DOCK8: variants seen among roughly 807,000 people sequenced by gnomAD.
DOCK8 encodes the protein dedicator of cytokinesis protein 8.
Under a neutral mutation model 245.6 loss-of-function variants are expected in DOCK8, and 141 were observed. The observed-to-expected ratio is 0.57, with a 90% CI of 0.50 to 0.66. The LOEUF (loss-of-function observed/expected upper bound fraction) is 0.66. Among genes scored for constraint, DOCK8 ranks in the 30% least tolerant of loss-of-function variants. The pLI, the probability that DOCK8 is intolerant of heterozygous loss-of-function variation, is 0.00. For synonymous variants in DOCK8, 1,168 were observed against 970.2 expected (o/e 1.20, Z -3.79); for missense variants, 2,965 against 2,603.4 (o/e 1.14, Z -3.02).
At position 399,318 on chromosome 9, in the gene DOCK8, G is replaced by A. The variant is rs891294226; in HGVS notation, c.3234+59G>A. 2.8e-5 allele frequency: 35 copies of A among 1,253,702 alleles called. No homozygotes were observed. The African/African-American group carries it at 4.8e-4, about 17-fold the overall frequency. 77.7% of individuals were successfully genotyped at this position (1,253,702 alleles called of 1,614,324 possible). Reference sequence around the variant, plus strand: ...GCCACTTGGTTCCTTCTCATATAATGTGATGTTCGTTGCCATGGCACGCTG... The same window carrying A: ...GCCACTTGGTTCCTTCTCATATAATATGATGTTCGTTGCCATGGCACGCTG... On this transcript the variant is annotated intron_variant, in intron 26 of 47. Coordinates refer to ENST00000432829, the MANE Select transcript of DOCK8 (RefSeq NM_203447.4).
intron 7 of DOCK8, among the ~76,000 whole-genome samples, chr9:325,328 T>A (rs1393417860): frequency 6.6e-6 from 1 of 152,130 alleles, no homozygotes; most frequent in African/African-American, 2.4e-5. Flanking sequence ...AGACAGAAAG[T>A]CTACCCTCTG....
chr9:451,509 G>A (rs572531557), intron 45 of DOCK8, among the ~76,000 whole-genome samples: 11 of 151,834 alleles, frequency 7.2e-5, no homozygotes, highest in African/African-American at 2.7e-4. Context: ...TGTAGTCTCA[G>A]CTACTTGGGA....
intron 14 of DOCK8, among the ~76,000 whole-genome samples, chr9:342,294 TTTC>T (rs2051639462): frequency 9.3e-6 from 1 of 107,120 alleles, no homozygotes; most frequent in South Asian, 3.2e-4. Flanking sequence ...GTTTTTCTTT[TTTC>T]TTTTTTTTTT....
intron 1 of DOCK8, among the ~76,000 whole-genome samples, chr9:221,708 G>C (rs1316826013): frequency 2.0e-5 from 3 of 151,468 alleles, no homozygotes; most frequent in Non-Finnish European, 4.4e-5. Context: ...TGTAGTCCCA[G>C]CTACTCAGGA....
intron 35 of DOCK8, among the ~76,000 whole-genome samples, chr9:429,128 A>G (rs2056612719): frequency 6.6e-6 from 1 of 152,038 alleles, no homozygotes; most frequent in African/African-American, 2.4e-5. Flanking sequence ...CACCGCACCC[A>G]GCTAATTTTT....
At chr9:214,444 C>A (rs75872323), upstream of DOCK8, 998 of 1,553,132 alleles carry the variant, frequency 6.4e-4, 4 homozygotes, top group South Asian at 5.7e-3. Flanking sequence ...ATTCCACTAA[C>A]TTTTTTGTCT....
intron 4 of DOCK8, among the ~76,000 whole-genome samples, chr9:293,318 G>A (rs67484783): frequency 3.3e-5 from 5 of 152,292 alleles, no homozygotes; most frequent in Non-Finnish European, 7.4e-5. Flanking sequence ...TGCACCTGTC[G>A]TATTTTATCT....
chr9:277,932 A>C (rs1161365268), intron 2 of DOCK8, among the ~76,000 whole-genome samples: 1 of 152,184 alleles, frequency 6.6e-6, no homozygotes, highest in Non-Finnish European at 1.5e-5. Flanking sequence ...ACAGCTCATG[A>C]TGACTTAAAT....
At chr9:343,909 C>G (rs1434385749) in intron 14 of DOCK8, among the ~76,000 whole-genome samples, 1 of 152,252 alleles carries the variant, frequency 6.6e-6, no homozygotes, top group Non-Finnish European at 1.5e-5. Context: ...TTACAATGTT[C>G]TCTACTCGTT....
chr9:396,296 A>T (rs1441606132), intron 24 of DOCK8, among the ~76,000 whole-genome samples: 1 of 152,198 alleles, frequency 6.6e-6, no homozygotes, highest in African/African-American at 2.4e-5. Context: ...CTCCCTCGAG[A>T]AACACTGAAA....
chr9:425,323 G>A (rs943983694), intron 33 of DOCK8, among the ~76,000 whole-genome samples: 15 of 152,208 alleles, frequency 9.9e-5, no homozygotes, highest in African/African-American at 3.4e-4. Context: ...ACGAGGTCAG[G>A]AGATCGAGAC....
chr9:458,638 C>T (rs373020503), intron 46 of DOCK8, among the ~76,000 whole-genome samples: 7 of 152,038 alleles, frequency 4.6e-5, no homozygotes, highest in African/African-American at 7.2e-5. Context: ...GGCAAAACCT[C>T]GTCTTTACAA....
intron 37 of DOCK8, 126 bp downstream of exon 37, chr9:432,450 C>A: frequency 2.1e-6 from 2 of 936,774 alleles, no homozygotes; most frequent in Non-Finnish European, 3.2e-6. Context: ...ATTTATTGTC[C>A]AATATGCATG....
At chr9:350,068 T>C (rs1403333564) in intron 14 of DOCK8, among the ~76,000 whole-genome samples, 3 of 152,198 alleles carry the variant, frequency 2.0e-5, no homozygotes, top group African/African-American at 7.2e-5. Context: ...GCTCCTCAAG[T>C]TCGGCTCATC....
intron 2 of DOCK8, among the ~76,000 whole-genome samples, chr9:284,145 T>C (rs1046473295): frequency 5.3e-5 from 8 of 152,160 alleles, no homozygotes; most frequent in African/African-American, 1.9e-4. Flanking sequence ...CTGTATTCCA[T>C]GTGGTGGTTG....
intron 45 of DOCK8, among the ~76,000 whole-genome samples, chr9:450,902 A>G (rs1051592010): frequency 5.9e-5 from 9 of 151,588 alleles, no homozygotes; most frequent in Admixed American, 2.0e-4. Context: ...ACAAAAATGA[A>G]TAGATCAAGG....
intron 42 of DOCK8, among the ~76,000 whole-genome samples, chr9:442,888 T>C (rs2057137430): frequency 1.3e-5 from 2 of 152,126 alleles, no homozygotes; most frequent in Non-Finnish European, 2.9e-5. Context: ...TCTCCATCCA[T>C]GCCAAAAAAG....
chr9:387,665 A>G (rs2054012001), intron 23 of DOCK8, among the ~76,000 whole-genome samples: 1 of 152,180 alleles, frequency 6.6e-6, no homozygotes, highest in African/African-American at 2.4e-5. Context: ...CCATATGTCT[A>G]GTGAGAGGTA....
chr9:433,068 CG>C (rs1278023992), intron 37 of DOCK8, among the ~76,000 whole-genome samples: 2 of 152,242 alleles, frequency 1.3e-5, no homozygotes, highest in African/African-American at 4.8e-5. Flanking sequence ...TTTGCCCTCT[CG>C]GGCAATGTTG....
Sources: gnomAD v4.1 joint callset for allele counts (sites outside exome capture counted in the v4.1 genomes callset) on GRCh38, gnomAD v4.1.1 for gene constraint, MANE v1.5 for transcripts, NCBI Gene and HGNC (gene_info 2026-07-23, HGNC 2026-07-21) for gene names.